IFT27: variants seen among roughly 807,000 people sequenced by gnomAD.
IFT27 encodes intraflagellar transport 27, also known as intraflagellar transport protein 27 homolog.
A neutral mutation model predicts 23.9 loss-of-function variants in IFT27; 19 were observed. The observed-to-expected ratio is 0.79, with a 90% CI of 0.55 to 1.16. The LOEUF (loss-of-function observed/expected upper bound fraction) is 1.16. Among genes scored for constraint, IFT27 ranks in the 50% most tolerant of loss-of-function variants. IFT27 has a pLI of 0.00. For missense variants in IFT27, 206 were observed against 228.7 expected (o/e 0.90, Z 0.64); for synonymous variants, 91 against 89.1 (o/e 1.02, Z -0.12).
intron 4 of IFT27, 93 bp from the exon 5 acceptor site, chr22:36,764,129 G>A: frequency 1.2e-6 from 1 of 815,316 alleles, no homozygotes. Context: ...GAAAGGGTAT[G>A]GGGAGCAGAG....
chr22:36,770,047 C>T (rs770137097), intron 1 of IFT27, among the ~76,000 whole-genome samples: 35 of 152,170 alleles, frequency 2.3e-4, no homozygotes, highest in Non-Finnish European at 1.0e-4. Flanking sequence ...AACTGAGAAG[C>T]AAGGCGTCTG....
At chr22:36,770,965 C>T (rs891349620) in intron 1 of IFT27, among the ~76,000 whole-genome samples, 12 of 152,212 alleles carry the variant, frequency 7.9e-5, no homozygotes, top group African/African-American at 2.9e-4. Context: ...GGACACTGCT[C>T]TTCCCGCCTG....
Position 36,763,987 on chromosome 22 carries a change from T to G in IFT27, c.284A>C (p.Glu95Ala). The change falls in exon 5 of 7, where the codon GAA (glutamate) becomes GCA (alanine). Residue 95 changes from glutamate (E) to alanine (A), a missense_variant. Glu to Ala is a moderately radical substitution (Grantham distance 107). Transcript: ENST00000433985. ...LCLVYDVTNE[E>A]SFNNCSKWLE... ...CCACTTGCTGCAGTTGTTGAAGGAT[T>G]CTTCATTGGTCACATCATAGACGAG... 1 of 1,614,214 alleles carries G rather than the reference T, an allele frequency of 6.2e-7. No individual in the cohort carries two copies. Among genetic ancestry groups the G allele is most frequent in the Non-Finnish European group, 8.5e-7 (1 of 1,180,022 alleles).
chr22:36,775,835 G>A lies in IFT27; in HGVS notation c.-128C>T, dbSNP rs563140347. On this transcript the variant is annotated 5_prime_UTR_variant, in exon 1 of 7. Coordinates refer to ENST00000433985, the MANE Select transcript of IFT27 (RefSeq NM_001177701.3). ...GGGGAGGGGAGGGCTGATCTCAAGG[G>A]TCAGTGGCCGCGACGGGACTGGGGA... 8.4e-6 allele frequency: 7 copies of A among 834,210 alleles called. No homozygotes were observed. The Admixed American group carries it at 1.2e-4, about 14-fold the overall frequency. 51.7% of individuals were successfully genotyped at this position (834,210 alleles called of 1,614,324 possible).
intron 1 of IFT27, among the ~76,000 whole-genome samples, chr22:36,771,159 C>T (rs1488631037): frequency 6.6e-6 from 1 of 152,176 alleles, no homozygotes; most frequent in Non-Finnish European, 1.5e-5. Context: ...CCTTGGCTCC[C>T]AGGGCCCCTC....
At chr22:36,772,841 A>C in intron 1 of IFT27, 1 of 956,868 alleles carries the variant, frequency 1.0e-6, no homozygotes, top group Non-Finnish European at 1.2e-6. Context: ...TGGAAAAATA[A>C]AACCAATGGC....
At chr22:36,764,092 G>T in intron 4 of IFT27, 56 bp from the exon 5 acceptor site, 2 of 1,312,782 alleles carry the variant, frequency 1.5e-6, no homozygotes, top group Non-Finnish European at 2.2e-6. Context: ...TGACTTCAAG[G>T]CTGGGAGACA....
rs141617868 is a variant in IFT27 at position 36,763,937 on chromosome 22, G to C, written c.334C>G (p.Pro112Ala). The change falls in exon 5 of 7, where the codon CCA becomes GCA. Residue 112 changes from proline (P) to alanine (A), a missense_variant. Pro to Ala is a conservative substitution (Grantham distance 27). Transcript: ENST00000433985. Reference sequence around the variant, plus strand: ...CCCGTACCTGGGAGAGAGATGCCTGGAGCCTGTGACCGAGCCTTCTCCAGC... The same window carrying C: ...CCCGTACCTGGGAGAGAGATGCCTGCAGCCTGTGACCGAGCCTTCTCCAGC... ...KWLEKARSQA[P>A]GISLPGVLVG... 58 of 1,613,122 alleles carry C rather than the reference G, an allele frequency of 3.6e-5. No individual in the cohort carries two copies. Among genetic ancestry groups the C allele is most frequent in the Non-Finnish European group, 5.9e-6 (7 of 1,179,140 alleles).
At chr22:36,763,364 A>G in intron 5 of IFT27, 1 of 266,010 alleles carries the variant, frequency 3.8e-6, no homozygotes, top group South Asian at 6.6e-5. Flanking sequence ...CAAACTGTAA[A>G]CTGGTCATTA....
rs775790126 is a variant in IFT27 at position 36,762,955 on chromosome 22, C to A, written c.411G>T (p.Glu137Asp). 3.1e-6 allele frequency: 5 copies of A among 1,603,146 alleles called. No individual in the cohort carries two copies. The highest frequency in any genetic ancestry group is 4.3e-6 in the Non-Finnish European group (5 of 1,173,406). ...CCTGGCCCAGCGCCCATGCCCGGGC[C>A]TCAGCTGAGTCCACTGCTCGTCTGC... ...LAGRRAVDSA[E>D]ARAWALGQGL... Residue 137 changes from glutamate to aspartate, a missense_variant, in exon 6 of 7, where the codon GAG (glutamate) becomes GAT (aspartate). Coordinates refer to ENST00000433985, the MANE Select transcript of IFT27 (RefSeq NM_001177701.3).
chr22:36,766,221 G>GTC (rs1396468154), intron 3 of IFT27, 24 bp from the exon 4 acceptor site: 1 of 1,608,914 alleles, frequency 6.2e-7, no homozygotes, highest in Admixed American at 1.7e-5. Flanking sequence ...AGCAAGAAAA[G>GTC]TCTCCACGTG....
intron 1 of IFT27, among the ~76,000 whole-genome samples, chr22:36,774,920 T>C (rs1938469083): frequency 1.3e-5 from 2 of 152,224 alleles, no homozygotes; most frequent in African/African-American, 2.4e-5. Context: ...CTCAGTAACA[T>C]GCATATGTGT....
chr22:36,763,098 G>C (rs1938141569), intron 5 of IFT27, 85 bp from the exon 6 acceptor site: 2 of 938,644 alleles, frequency 2.1e-6, no homozygotes, highest in Non-Finnish European at 3.2e-6. Flanking sequence ...CTATTTTTGA[G>C]GGGTGTAAAG....
intron 1 of IFT27, chr22:36,772,531 A>G (rs1357346768): frequency 2.0e-6 from 2 of 985,320 alleles, no homozygotes; most frequent in Non-Finnish European, 2.4e-6. Flanking sequence ...CTTCTCCAGA[A>G]CCAGAACAAG....
At position 36,762,906 on chromosome 22, in the gene IFT27, C is replaced by A; in HGVS notation, c.460G>T (p.Val154Leu). ...GQGLECFETSVKEMENFEAPF... is the reference protein window; with the variant it reads ...GQGLECFETSLKEMENFEAPF... ...ACGAGGCAAGTGGAAATACTCACCA[C>A]GGATGTTTCAAAACATTCCAGGCCC... is the stretch of plus-strand genomic sequence containing the variant. The change falls in exon 6 of 7, where the codon GTG (valine) becomes TTG (leucine). Residue 154 changes from valine (V) to leucine (L), a missense_variant and splice_region_variant. Transcript: ENST00000433985. 1 of 1,563,410 alleles carries A rather than the reference C, an allele frequency of 6.4e-7. No individual in the cohort carries two copies.
chr22:36,766,058 A>G, intron 4 of IFT27, 80 bp downstream of exon 4: 2 of 1,115,132 alleles, frequency 1.8e-6, no homozygotes, highest in Admixed American at 3.4e-5. Context: ...GTGCAGGGAA[A>G]CTGCTGTGTG....
At chr22:36,765,092 C>G (rs1175053804) in intron 4 of IFT27, among the ~76,000 whole-genome samples, 1 of 152,142 alleles carries the variant, frequency 6.6e-6, no homozygotes, top group Non-Finnish European at 1.5e-5. Context: ...ATGGGAGGAC[C>G]GTGGACTAAA....
At chr22:36,760,860 C>G (rs181887852) in intron 6 of IFT27, 1 of 167,260 alleles carries the variant, frequency 6.0e-6, no homozygotes, top group Non-Finnish European at 1.5e-5. Context: ...GGGCAGTGAT[C>G]AGCGCGGATT....
In IFT27 at chr22:36,767,800, G is replaced by A. The variant is rs1938292111; in HGVS notation, c.97C>T (p.Gln33Ter). The A allele has an allele frequency of 1.2e-6, 2 of 1,614,150 alleles. No individual in the cohort carries two copies. The highest frequency in any genetic ancestry group is 1.3e-5 in the African/African-American group (1 of 75,034). Residue 33 changes from glutamine (Q) to a stop codon, truncating the protein, a stop_gained, in exon 2 of 7, where the codon CAG becomes TAG. Transcript: ENST00000433985. LOFTEE classifies it high-confidence loss of function. ...QIFRSDGAHF[Q>*]KSYTLTTGMD... ...CAGCTCACCAGGGTGTAGCTTTTCT[G>A]GAAATGGGCTCCATCACTGCGGAAG...
Sources: gnomAD v4.1 joint callset for allele counts (sites outside exome capture counted in the v4.1 genomes callset) on GRCh38, gnomAD v4.1.1 for gene constraint, MANE v1.5 for transcripts, NCBI Gene and HGNC (gene_info 2026-07-23, HGNC 2026-07-21) for gene names.